The following ATP11A variants were observed in gnomAD, a reference collection of about 807,000 sequenced individuals.
The protein encoded by ATP11A is phospholipid-transporting ATPase IH.
ATP11A carries 81 observed loss-of-function variants against 154.4 expected under a neutral mutation model. The observed-to-expected ratio is 0.52, with a 90% confidence interval of 0.44 to 0.63. ATP11A has a LOEUF of 0.63. Ranked by LOEUF, ATP11A falls within the 30% of genes least tolerant of loss-of-function variation. The pLI is 0.00. For missense variants in ATP11A, 1,316 were observed against 1,474.3 expected, an observed-to-expected ratio of 0.89 and a Z score of 1.76; for synonymous variants, 623 against 585.9, an observed-to-expected ratio of 1.06 and a Z score of -0.91.
chr13:112,874,301 A>G (rs2140426466), intron 27 of ATP11A, among the ~76,000 whole-genome samples: 1 of 152,352 alleles, frequency 6.6e-6, no homozygotes, highest in South Asian at 2.1e-4. Context: ...GCTGCAGAGC[A>G]GGCATGGTGG....
At chr13:112,820,549 C>A (rs2078771867) in intron 8 of ATP11A, among the ~76,000 whole-genome samples, 1 of 152,244 alleles carries the variant, frequency 6.6e-6, no homozygotes, top group African/African-American at 2.4e-5. Flanking sequence ...CAGCGACCCT[C>A]AGACACCTCA....
chr13:112,859,356 C>T lies in ATP11A; in HGVS notation c.2668-37C>T. ...GTAGGTGGCGGCTGCCTCCCTCTGTCCCGTCACCGAACTAACAGTTATGCC... is the reference window on the plus strand; with the variant it reads ...GTAGGTGGCGGCTGCCTCCCTCTGTTCCGTCACCGAACTAACAGTTATGCC... On this transcript the variant is annotated intron_variant, in intron 22 of 29. Coordinates refer to ENST00000375645, the MANE Select transcript of ATP11A (RefSeq NM_015205.3). The surrounding 1 kb of genome is among the most constrained non-coding windows in gnomAD (Gnocchi z 4.3). The T allele has an allele frequency of 6.3e-7, 1 of 1,595,652 alleles. No homozygotes were observed.
rs3832908 is a variant in ATP11A, at chr13:112,885,263, CAT to C, written c.*3398_*3399del. The C allele has an allele frequency of 0.081, 12,292 of 152,240 alleles. 593 individuals carry two copies. The highest frequency in any genetic ancestry group is 0.14 in the Middle Eastern group (40 of 294). The allele number at this position is 152,240 out of a possible 1,614,324, so 9.4% of individuals were successfully genotyped here. On this transcript the variant is annotated 3_prime_UTR_variant, in exon 30 of 30. Transcript: ENST00000375645. ...ACACATGCATGTACAGGTAAGCACA[CAT>C]GTACAAGCTCCTACAGGCTTGCTCT...
At chr13:112,813,267 AG>A (rs1351419917) in intron 5 of ATP11A, among the ~76,000 whole-genome samples, 7 of 152,198 alleles carry the variant, frequency 4.6e-5, no homozygotes, top group African/African-American at 1.7e-4. Context: ...TGTGGTAGTA[AG>A]AAATAAAACA....
chr13:112,800,519 G>A (rs2078106006), intron 2 of ATP11A, among the ~76,000 whole-genome samples: 1 of 151,320 alleles, frequency 6.6e-6, no homozygotes, highest in South Asian at 2.1e-4. Context: ...CTTCCAAAAC[G>A]GAAAGCACAA....
chr13:112,696,678 G>A lies in ATP11A; in HGVS notation c.39+6223G>A, dbSNP rs1885852770. On this transcript the variant is annotated intron_variant, in intron 1 of 29. Coordinates refer to ENST00000375645, the MANE Select transcript of ATP11A (RefSeq NM_015205.3). This position sits in a 1 kb window ranked among gnomAD's most constrained non-coding sequence, Gnocchi z 6.2. ...TTCTCCTGTCTCTTCTGTGCCTACC[G>A]CGGGGGGTTCCCTTACCAAGGTCTC... Among the ~76,000 whole-genome samples, 1 of 151,964 alleles carries A rather than the reference G, an allele frequency of 6.6e-6. No homozygotes were observed. The highest frequency in any genetic ancestry group is 6.6e-5 in the Admixed American group (1 of 15,258).
chr13:112,834,802 A>G, intron 15 of ATP11A, 142 bp downstream of exon 15: 1 of 650,816 alleles, frequency 1.5e-6, no homozygotes, highest in South Asian at 1.9e-5. Flanking sequence ...ACACCCCAGG[A>G]ATGTCACCAG....
chr13:112,794,464 A>G (rs542491018), intron 2 of ATP11A, among the ~76,000 whole-genome samples: 8 of 152,214 alleles, frequency 5.3e-5, no homozygotes, highest in Non-Finnish European at 7.3e-5. Context: ...CCAGGAATTA[A>G]TAACCCTCCT....
intron 1 of ATP11A, among the ~76,000 whole-genome samples, chr13:112,701,532 A>G (rs955601176): frequency 2.0e-5 from 3 of 152,178 alleles, no homozygotes; most frequent in African/African-American, 4.8e-5. Context: ...TTTCTTTCCT[A>G]TAAAAAATTA....
intron 1 of ATP11A, among the ~76,000 whole-genome samples, chr13:112,742,063 T>A (rs537391740): frequency 4.4e-4 from 67 of 151,728 alleles, no homozygotes; most frequent in South Asian, 8.8e-4. Context: ...CTCCCCACAG[T>A]GCGCTTTTCT....
At position 112,778,682 on chromosome 13, in the gene ATP11A, T is replaced by TGAGTAGCCGCTGGAGTGAG. The variant is rs1290014220; in HGVS notation, c.40-6433_40-6415dup. On this transcript the variant is annotated intron_variant, in intron 1 of 29. Coordinates refer to ENST00000375645, the MANE Select transcript of ATP11A (RefSeq NM_015205.3). Reference sequence around the variant, plus strand: ...CTGGAGTGAGGAGTAGCCACTGGAGTGAGTAGCCGCTGGAGTGAGGAGTAG... The same window carrying TGAGTAGCCGCTGGAGTGAG: ...CTGGAGTGAGGAGTAGCCACTGGAGTGAGTAGCCGCTGGAGTGAGGAGTAGCCGCTGGAGTGAGGAGTAG... Among the ~76,000 whole-genome samples the TGAGTAGCCGCTGGAGTGAG allele has an allele frequency of 3.7e-3, 135 of 36,148 alleles. 4 individuals are homozygous for TGAGTAGCCGCTGGAGTGAG. The highest frequency in any genetic ancestry group is 0.024 in the African/African-American group (126 of 5,336). The allele number at this position is 36,148 out of a possible 152,430, so 23.7% of individuals were successfully genotyped here. A position where few individuals can be genotyped will look rare whatever the true frequency, so the allele number is the denominator to read the frequency against.
chr13:112,845,628 G>C lies in ATP11A; in HGVS notation c.1809+3249G>C, dbSNP rs1248270702. Among the ~76,000 whole-genome samples, 6 of 98,316 alleles carry C rather than the reference G, an allele frequency of 6.1e-5. 1 individual carries two copies. The highest frequency in any genetic ancestry group is 2.8e-4 in the South Asian group (1 of 3,542). 64.5% of individuals were successfully genotyped at this position (98,316 alleles called of 152,430 possible). A position where few individuals can be genotyped will look rare whatever the true frequency, so the allele number is the denominator to read the frequency against. ...TACCAGGCACTAGCGGTACTAACCA[G>C]TCCAGTTGCCAGCACTAGCGGTACT... On this transcript the variant is annotated intron_variant, in intron 17 of 29. Coordinates refer to ENST00000375645, the MANE Select transcript of ATP11A (RefSeq NM_015205.3).
chr13:112,827,239 A>G (rs148793021), intron 12 of ATP11A, among the ~76,000 whole-genome samples: 264 of 152,232 alleles, frequency 1.7e-3, no homozygotes, highest in African/African-American at 6.1e-3. Flanking sequence ...CGAGCTGGGT[A>G]TTTTCACTTT....
intron 12 of ATP11A, among the ~76,000 whole-genome samples, chr13:112,828,163 T>C (rs2078987248): frequency 8.7e-6 from 1 of 115,020 alleles, no homozygotes; most frequent in African/African-American, 3.4e-5. Context: ...CCCAGCAGCG[T>C]TGAGTGGGGG....
rs142097752 is a variant in ATP11A at position 112,784,969 on chromosome 13, C to T, written c.40-166C>T. On this transcript the variant is annotated intron_variant, in intron 1 of 29. Transcript: ENST00000375645. ...GAGGGCTGCGTAAGACAGGGTGGCT[C>T]GGGCCTGGGGTGCTGGGCCCCAGGT... Among the ~76,000 whole-genome samples, 42 of 152,270 alleles carry T rather than the reference C, an allele frequency of 2.8e-4. No individual in the cohort carries two copies. In the East Asian group the frequency reaches 6.2e-3, roughly 22 times the overall value.
chr13:112,845,282 G>A (rs1246741612), intron 17 of ATP11A, among the ~76,000 whole-genome samples: 1 of 110,526 alleles, frequency 9.0e-6, no homozygotes, highest in Admixed American at 8.9e-5. Context: ...GTACTATTCA[G>A]TCCAGTTGCC....
chr13:112,698,181 C>G lies in ATP11A; in HGVS notation c.39+7726C>G, dbSNP rs185402320. Among the ~76,000 whole-genome samples, 152 of 152,184 alleles carry G rather than the reference C, an allele frequency of 1.0e-3. No homozygotes were observed. The East Asian group carries it at 0.012, about 12-fold the overall frequency. On this transcript the variant is annotated intron_variant, in intron 1 of 29. Transcript: ENST00000375645. Reference sequence around the variant, plus strand: ...CATTTCCCCACTTTTTTGGAAGTCTCGTGACTCCTGGCCTGCTGGTTTCCC... The same window carrying G: ...CATTTCCCCACTTTTTTGGAAGTCTGGTGACTCCTGGCCTGCTGGTTTCCC...
intron 1 of ATP11A, among the ~76,000 whole-genome samples, chr13:112,726,979 A>G (rs1332407151): frequency 6.6e-6 from 1 of 152,252 alleles, no homozygotes; most frequent in Non-Finnish European, 1.5e-5. Flanking sequence ...CAATTCTTGC[A>G]TAGCTTATGC....
chr13:112,736,831 C>T (rs960517676), intron 1 of ATP11A, among the ~76,000 whole-genome samples: 31 of 152,074 alleles, frequency 2.0e-4, no homozygotes, highest in African/African-American at 7.2e-4. Context: ...CAAAGGACGC[C>T]ATTATGAAAT....
Sources: gnomAD v4.1 joint callset for allele counts (sites outside exome capture counted in the v4.1 genomes callset) on GRCh38, gnomAD v4.1.1 for gene constraint, Gnocchi (gnomAD v3.1) non-coding constraint, MANE v1.5 for transcripts, NCBI Gene and HGNC (gene_info 2026-07-23, HGNC 2026-07-21) for gene names.